XKR6: variants seen among roughly 807,000 people sequenced by gnomAD.
XKR6 encodes XK related 6.
XKR6 carries 22 observed loss-of-function variants against 56.7 expected under a neutral mutation model. The ratio of observed to expected loss-of-function variants is 0.39; its 90% CI spans 0.28 to 0.55. The LOEUF is 0.55. XKR6 is among the 20% of genes least tolerant of loss of function. XKR6 has a pLI of 0.66. For missense variants in XKR6, 852 were observed against 889.0 expected (o/e 0.96, Z 0.53); for synonymous variants, 524 against 387.8 (o/e 1.35, Z -4.13).
At chr8:11,016,312 G>C (rs929976542) in intron 1 of XKR6, among the ~76,000 whole-genome samples, 2 of 152,174 alleles carry the variant, frequency 1.3e-5, no homozygotes, top group African/African-American at 4.8e-5. Context: ...TCCGCGCCGC[G>C]AGGCAGCGCG....
rs551742138 is a variant in XKR6 at position 10,971,046 on chromosome 8, C to T, written c.765-46216G>A. On this transcript the variant is annotated intron_variant, in intron 1 of 2. Coordinates refer to ENST00000416569, the MANE Select transcript of XKR6 (RefSeq NM_173683.4). ...AGTCACATTCAACTTAGGAACCTGGCGTGTCTATTCTTTGACCTCTTCTGC... is the reference window on the plus strand; with the variant it reads ...AGTCACATTCAACTTAGGAACCTGGTGTGTCTATTCTTTGACCTCTTCTGC... Among the ~76,000 whole-genome samples, 3 of 151,438 alleles carry T rather than the reference C, an allele frequency of 2.0e-5. No homozygotes were observed. In the South Asian group the frequency reaches 6.3e-4, roughly 32 times the overall value.
chr8:11,050,129 A>T (rs1477887369), intron 1 of XKR6, among the ~76,000 whole-genome samples: 1 of 151,886 alleles, frequency 6.6e-6, no homozygotes, highest in Non-Finnish European at 1.5e-5. Flanking sequence ...TTCCCCTCCT[A>T]CTCCCAGGGC....
At chr8:10,929,209 T>A (rs1056032024) in intron 1 of XKR6, among the ~76,000 whole-genome samples, 3 of 152,232 alleles carry the variant, frequency 2.0e-5, no homozygotes, top group Non-Finnish European at 4.4e-5. Context: ...TGCCTCATGT[T>A]TGTGTGACAT....
intron 1 of XKR6, among the ~76,000 whole-genome samples, chr8:11,094,016 C>T (rs949273168): frequency 6.0e-5 from 9 of 151,010 alleles, no homozygotes; most frequent in African/African-American, 1.9e-4. Context: ...GATCTCCTGA[C>T]CTCATGATCC....
chr8:11,001,647 G>T (rs1292390602), intron 1 of XKR6, among the ~76,000 whole-genome samples: 1 of 152,222 alleles, frequency 6.6e-6, no homozygotes, highest in Non-Finnish European at 1.5e-5. Context: ...TGGAGATGAG[G>T]GTTGTAGCCG....
At chr8:11,021,903 C>A (rs1798757561) in intron 1 of XKR6, among the ~76,000 whole-genome samples, 1 of 151,846 alleles carries the variant, frequency 6.6e-6, no homozygotes, top group South Asian at 2.1e-4. Flanking sequence ...TTCCTCCTTC[C>A]TACTTTCCTC....
In XKR6 at chr8:11,059,262, C is replaced by A. The variant is rs201609843; in HGVS notation, c.765-134432G>T. ...CCAGCGTCGTGTAGGCCGGGCCCAG[C>A]GCGGTCCTGGCGCCTCAGAAATCTT... On this transcript the variant is annotated intron_variant, in intron 1 of 2. Coordinates refer to ENST00000416569, the MANE Select transcript of XKR6 (RefSeq NM_173683.4). Among the ~76,000 whole-genome samples the A allele has an allele frequency of 3.2e-4, 49 of 152,118 alleles. No homozygotes were observed. The East Asian group carries it at 6.8e-3, about 21-fold the overall frequency.
intron 1 of XKR6, among the ~76,000 whole-genome samples, chr8:10,938,629 T>C (rs911446943): frequency 6.6e-6 from 1 of 152,230 alleles, no homozygotes; most frequent in Non-Finnish European, 1.5e-5. Flanking sequence ...ATTCCACTTA[T>C]ATGATATTCT....
intron 2 of XKR6, among the ~76,000 whole-genome samples, chr8:10,900,502 T>C (rs1355202970): frequency 6.6e-6 from 1 of 152,218 alleles, no homozygotes; most frequent in Non-Finnish European, 1.5e-5. Flanking sequence ...AAAAACCTGT[T>C]AACTGTTACA....
At position 10,974,132 on chromosome 8, in the gene XKR6, T is replaced by C. The variant is rs563052895; in HGVS notation, c.765-49302A>G. On this transcript the variant is annotated intron_variant, in intron 1 of 2. Coordinates refer to ENST00000416569, the MANE Select transcript of XKR6 (RefSeq NM_173683.4). Reference sequence around the variant, plus strand: ...TCTCTCAGTTGGCTCTGTGAGGAGATGGTGGGGGAGGAAGAGTAAGTACCC... The same window carrying C: ...TCTCTCAGTTGGCTCTGTGAGGAGACGGTGGGGGAGGAAGAGTAAGTACCC... Among the ~76,000 whole-genome samples the C allele has an allele frequency of 6.6e-5, 10 of 152,318 alleles. No homozygotes were observed. In the South Asian group the frequency reaches 8.3e-4, roughly 13 times the overall value.
At chr8:11,026,469 T>C (rs1798866705) in intron 1 of XKR6, among the ~76,000 whole-genome samples, 2 of 151,650 alleles carry the variant, frequency 1.3e-5, no homozygotes, top group Non-Finnish European at 2.9e-5. Flanking sequence ...CACACCTAGA[T>C]GGTCTAGCCT....
At chr8:10,921,898 A>C (rs978497016) in intron 2 of XKR6, among the ~76,000 whole-genome samples, 1 of 152,226 alleles carries the variant, frequency 6.6e-6, no homozygotes, top group Non-Finnish European at 1.5e-5. Flanking sequence ...AGATGTTGCC[A>C]GTGTGATAGG....
At chr8:11,011,965 A>T (rs1798510149) in intron 1 of XKR6, among the ~76,000 whole-genome samples, 1 of 152,204 alleles carries the variant, frequency 6.6e-6, no homozygotes, top group Non-Finnish European at 1.5e-5. Context: ...GGTGGCAGGG[A>T]ACAAATGAGC....
chr8:10,918,662 G>A (rs1488321450), intron 2 of XKR6, among the ~76,000 whole-genome samples: 1 of 152,214 alleles, frequency 6.6e-6, no homozygotes. Context: ...CGTTGTGCAT[G>A]GCACCTATGT....
At chr8:11,019,553 G>C (rs1160402593) in intron 1 of XKR6, among the ~76,000 whole-genome samples, 1 of 152,228 alleles carries the variant, frequency 6.6e-6, no homozygotes, top group Non-Finnish European at 1.5e-5. Context: ...CTCAGGAACA[G>C]GCTGCTAGAA....
At chr8:11,035,887 T>G (rs1246163895) in intron 1 of XKR6, among the ~76,000 whole-genome samples, 2 of 151,852 alleles carry the variant, frequency 1.3e-5, no homozygotes, top group Admixed American at 6.6e-5. Flanking sequence ...CTCCCCTTTG[T>G]GTATCTGACC....
At chr8:11,044,657 C>A (rs1437046378) in intron 1 of XKR6, among the ~76,000 whole-genome samples, 1 of 149,156 alleles carries the variant, frequency 6.7e-6, no homozygotes, top group African/African-American at 2.5e-5. Context: ...TTTGCTCTGT[C>A]ACCTAGGCTG....
intron 1 of XKR6, among the ~76,000 whole-genome samples, chr8:11,146,173 C>A (rs990390896): frequency 9.2e-5 from 14 of 152,166 alleles, no homozygotes; most frequent in African/African-American, 3.4e-4. Flanking sequence ...GCACTCTGAT[C>A]CACACTTCAT....
intron 1 of XKR6, among the ~76,000 whole-genome samples, chr8:10,995,515 C>T (rs1288146998): frequency 7.5e-6 from 1 of 134,134 alleles, no homozygotes; most frequent in Non-Finnish European, 1.7e-5. Context: ...CACACATATA[C>T]ACACACACAC....
Sources: allele counts gnomAD v4.1 joint callset (sites outside exome capture counted in the v4.1 genomes callset), GRCh38; gene constraint gnomAD v4.1.1; transcripts MANE v1.5; gene names NCBI Gene and HGNC (gene_info 2026-07-23, HGNC 2026-07-21).